The following EMCN variants were observed in gnomAD, a reference collection of about 807,000 sequenced individuals.
The protein encoded by EMCN is endomucin.
In EMCN, 37 loss-of-function variants were observed where a neutral mutation model predicts 38.4. The ratio of observed to expected loss-of-function variants is 0.96; its 90% confidence interval spans 0.74 to 1.27. The LOEUF (loss-of-function observed/expected upper bound fraction) is 1.27, where lower values mean the gene tolerates loss of function less well. Among genes scored for constraint, EMCN ranks in the 50% most tolerant of loss-of-function variants. The pLI, the probability that EMCN is intolerant of heterozygous loss-of-function variation, is 0.00. For missense variants in EMCN, 318 were observed against 302.8 expected, an observed-to-expected ratio of 1.05 and a Z score of -0.37; for synonymous variants, 95 against 100.8, an observed-to-expected ratio of 0.94 and a Z score of 0.35.
intron 2 of EMCN, among the ~76,000 whole-genome samples, chr4:100,475,664 T>A (rs1417935029): frequency 2.4e-4 from 2 of 8,440 alleles, no homozygotes; most frequent in Non-Finnish European, 5.7e-4. Context: ...TAGTCCTTTT[T>A]TTTTTTTTTT....
At chr4:100,481,620 T>G (rs1281331809) in intron 1 of EMCN, among the ~76,000 whole-genome samples, 1 of 152,116 alleles carries the variant, frequency 6.6e-6, no homozygotes, top group Admixed American at 6.6e-5. Flanking sequence ...GAAGCTTATC[T>G]TTTCTCCATT....
intron 1 of EMCN, among the ~76,000 whole-genome samples, chr4:100,481,781 A>G (rs1291381649): frequency 6.6e-6 from 1 of 152,082 alleles, no homozygotes; most frequent in African/African-American, 2.4e-5. Context: ...ATCCTCACCT[A>G]TGGACTTCCT....
intron 8 of EMCN, among the ~76,000 whole-genome samples, chr4:100,419,586 T>G (rs1483344512): frequency 6.6e-6 from 1 of 152,144 alleles, no homozygotes; most frequent in Non-Finnish European, 1.5e-5. Context: ...ATAGCATATT[T>G]TTACAAATAA....
chr4:100,486,513 A>T (rs1187420936), intron 1 of EMCN, among the ~76,000 whole-genome samples: 1 of 152,120 alleles, frequency 6.6e-6, no homozygotes, highest in Non-Finnish European at 1.5e-5. Flanking sequence ...CAGTTCTGAG[A>T]GTGTTTAAAT....
intron 11 of EMCN, among the ~76,000 whole-genome samples, chr4:100,399,185 G>T (rs1371260084): frequency 2.6e-5 from 4 of 152,150 alleles, no homozygotes; most frequent in African/African-American, 9.7e-5. Flanking sequence ...TGCAGTGTAG[G>T]AACAACTTTC....
chr4:100,429,506 C>T (rs1727141214), intron 5 of EMCN, among the ~76,000 whole-genome samples: 1 of 152,058 alleles, frequency 6.6e-6, no homozygotes, highest in Admixed American at 6.6e-5. Context: ...TCTCATCTGA[C>T]CTTACCTTTC....
At chr4:100,432,066 A>G (rs1475476478) in intron 5 of EMCN, among the ~76,000 whole-genome samples, 1 of 152,126 alleles carries the variant, frequency 6.6e-6, no homozygotes, top group South Asian at 2.1e-4. Context: ...AATGAATTCC[A>G]TGATTGCTTA....
chr4:100,460,758 G>A (rs773386917), intron 4 of EMCN, among the ~76,000 whole-genome samples: 10 of 152,078 alleles, frequency 6.6e-5, no homozygotes, highest in South Asian at 2.1e-4. Context: ...TCTTCACCCC[G>A]TTGATTGTTT....
intron 10 of EMCN, among the ~76,000 whole-genome samples, chr4:100,411,605 G>A (rs867316730): frequency 1.3e-5 from 2 of 151,512 alleles, no homozygotes; most frequent in East Asian, 3.9e-4. Flanking sequence ...AAATCCAGAG[G>A]GAAATATATC....
chr4:100,410,368 G>T lies in EMCN; in HGVS notation c.752-13C>A, dbSNP rs200592077. ...GCAGAGTGCTCACCTGAGAACAGAA[G>T]ATATGTTTTGATCTGTAAGCTCAGA... On this transcript the variant is annotated splice_polypyrimidine_tract_variant and intron_variant, in intron 10 of 11. Coordinates refer to ENST00000296420, the MANE Select transcript of EMCN (RefSeq NM_016242.4). 5.0e-6 allele frequency: 8 copies of T among 1,612,782 alleles called. No individual in the cohort carries two copies. Among genetic ancestry groups the T allele is most frequent in the Non-Finnish European group, 6.8e-6 (8 of 1,178,892 alleles).
chr4:100,503,954 T>C (rs987527473), intron 1 of EMCN, among the ~76,000 whole-genome samples: 1 of 152,180 alleles, frequency 6.6e-6, no homozygotes, highest in African/African-American at 2.4e-5. Context: ...TATCTAGATA[T>C]GTTAAATTAC....
At chr4:100,504,056 G>T (rs1729415747) in intron 1 of EMCN, among the ~76,000 whole-genome samples, 1 of 152,040 alleles carries the variant, frequency 6.6e-6, no homozygotes, top group Non-Finnish European at 1.5e-5. Flanking sequence ...CCTATTCCAT[G>T]ACGTAAACAA....
chr4:100,453,221 A>G (rs1010857316), intron 4 of EMCN, among the ~76,000 whole-genome samples: 8 of 152,158 alleles, frequency 5.3e-5, no homozygotes, highest in Admixed American at 2.0e-4. Flanking sequence ...AACCACCATC[A>G]GAGTGAACAG....
chr4:100,418,461 CG>C (rs1560606730), intron 8 of EMCN, among the ~76,000 whole-genome samples: 1 of 152,010 alleles, frequency 6.6e-6, no homozygotes, highest in Non-Finnish European at 1.5e-5. Flanking sequence ...TGACTATAGT[CG>C]CCCTGTTGTG....
intron 1 of EMCN, among the ~76,000 whole-genome samples, chr4:100,505,615 C>T (rs562709505): frequency 6.6e-6 from 1 of 152,230 alleles, no homozygotes; most frequent in Admixed American, 6.5e-5. Context: ...GAAAAGTGCA[C>T]TTTTGAGGAA....
intron 3 of EMCN, 50 bp from the exon 4 acceptor site, chr4:100,465,589 T>A: frequency 1.0e-6 from 1 of 957,064 alleles, no homozygotes. Context: ...CACCAGATCA[T>A]CTTATTAATA....
chr4:100,403,707 C>G (rs1726319350), intron 11 of EMCN, among the ~76,000 whole-genome samples: 1 of 152,002 alleles, frequency 6.6e-6, no homozygotes, highest in African/African-American at 2.4e-5. Context: ...ATAAGCATTC[C>G]CTTTTCTCTA....
intron 11 of EMCN, among the ~76,000 whole-genome samples, chr4:100,407,813 C>T (rs546655107): frequency 6.6e-6 from 1 of 152,310 alleles, no homozygotes; most frequent in East Asian, 1.9e-4. Context: ...TATCCTCAAA[C>T]ATGTTTTCCA....
At chr4:100,432,268 C>CT (rs532983337) in intron 5 of EMCN, among the ~76,000 whole-genome samples, 12 of 150,676 alleles carry the variant, frequency 8.0e-5, no homozygotes, top group Admixed American at 1.3e-4. Flanking sequence ...TAAAACCAGC[C>CT]TTTTTTTTTC....
Sources: gnomAD v4.1 joint callset for allele counts (sites outside exome capture counted in the v4.1 genomes callset) on GRCh38, gnomAD v4.1.1 for gene constraint, MANE v1.5 for transcripts, NCBI Gene and HGNC (gene_info 2026-07-23, HGNC 2026-07-21) for gene names.